Variants in KIRREL3 observed in about 807,000 individuals in gnomAD.
The protein encoded by KIRREL3 is kin of IRRE-like protein 3.
A neutral mutation model predicts 89.7 loss-of-function variants in KIRREL3; 36 were observed. The ratio of observed to expected loss-of-function variants is 0.40; its 90% CI spans 0.31 to 0.53. The LOEUF (loss-of-function observed/expected upper bound fraction) is 0.53, where lower values mean the gene tolerates loss of function less well. Ranked by LOEUF, KIRREL3 falls within the 20% of genes least tolerant of loss-of-function variation. The pLI, the probability that KIRREL3 is intolerant of heterozygous loss-of-function variation, is 0.49. For synonymous variants in KIRREL3, 445 were observed against 441.4 expected, an observed-to-expected ratio of 1.01 and a Z score of -0.10; for missense variants, 864 against 1,056.6, an observed-to-expected ratio of 0.82 and a Z score of 2.53.
rs1451893083 is a variant in KIRREL3 at position 126,994,120 on chromosome 11, T to C, written c.55+6335A>G. On this transcript the variant is annotated intron_variant, in intron 1 of 16. Transcript: ENST00000525144. This position sits in a 1 kb window ranked among gnomAD's most constrained non-coding sequence, Gnocchi z 5.2. ...CTATGAAGACAGGCAAAGAGTAGGGTGAGAGCATAGCTCCCATTTGAGAAA... is the reference window on the plus strand; with the variant it reads ...CTATGAAGACAGGCAAAGAGTAGGGCGAGAGCATAGCTCCCATTTGAGAAA... 6.6e-6 allele frequency among the ~76,000 whole-genome samples: 1 copy of C among 151,746 alleles called. No individual in the cohort carries two copies. Among genetic ancestry groups the C allele is most frequent in the Non-Finnish European group, 1.5e-5 (1 of 68,002 alleles).
chr11:126,560,057 A>G (rs1591738558), intron 2 of KIRREL3, among the ~76,000 whole-genome samples: 2 of 152,256 alleles, frequency 1.3e-5, no homozygotes, highest in Admixed American at 1.3e-4. Flanking sequence ...TTTTTATGGT[A>G]TTCAATGACT....
intron 1 of KIRREL3, among the ~76,000 whole-genome samples, chr11:126,852,570 C>T (rs1482766318): frequency 6.6e-6 from 1 of 152,144 alleles, no homozygotes; most frequent in African/African-American, 2.4e-5. Context: ...AGCATTGTGA[C>T]TCCAAAGCTT....
At chr11:126,451,253 G>A (rs1024398286) in intron 7 of KIRREL3, among the ~76,000 whole-genome samples, 4 of 141,522 alleles carry the variant, frequency 2.8e-5, no homozygotes, top group African/African-American at 1.1e-4. Flanking sequence ...GTGAGCATGT[G>A]TGCATTGCTT....
Position 126,998,055 on chromosome 11 carries a change from C to T in KIRREL3, c.55+2400G>A, listed in dbSNP as rs529511179. ...GGGATCACAGTGGAGCCATTTAGAGCCATGTGGGCTAGACCTCCCAGGACC... is the reference window on the plus strand; with the variant it reads ...GGGATCACAGTGGAGCCATTTAGAGTCATGTGGGCTAGACCTCCCAGGACC... On this transcript the variant is annotated intron_variant, in intron 1 of 16. Coordinates refer to ENST00000525144, the MANE Select transcript of KIRREL3 (RefSeq NM_032531.4). Among the ~76,000 whole-genome samples the T allele has an allele frequency of 6.6e-5, 10 of 152,206 alleles. No individual in the cohort carries two copies. In the South Asian group the frequency reaches 2.1e-3, roughly 32 times the overall value.
At chr11:126,536,401 G>A (rs1436621156) in intron 2 of KIRREL3, among the ~76,000 whole-genome samples, 12 of 152,090 alleles carry the variant, frequency 7.9e-5, no homozygotes, top group Admixed American at 7.2e-4. Context: ...ATCTTCTAGG[G>A]ATGCATTCTG....
chr11:126,623,083 A>G lies in KIRREL3; in HGVS notation c.56-60171T>C, dbSNP rs369732911. On this transcript the variant is annotated intron_variant, in intron 1 of 16. Transcript: ENST00000525144. This position sits in a 1 kb window ranked among gnomAD's most constrained non-coding sequence, Gnocchi z 4.1. ...ATTTACAAAGCGTTATCCACTAGTT[A>G]TCTCACTGATTTTCCCAAGAGACTT... Among the ~76,000 whole-genome samples, 154 of 152,304 alleles carry G rather than the reference A, an allele frequency of 1.0e-3. No homozygotes were observed. The highest frequency in any genetic ancestry group is 3.2e-3 in the African/African-American group (133 of 41,574).
chr11:126,673,326 A>T (rs1440555201), intron 1 of KIRREL3, among the ~76,000 whole-genome samples: 1 of 152,220 alleles, frequency 6.6e-6, no homozygotes, highest in Non-Finnish European at 1.5e-5. Flanking sequence ...TGGTCAGGAC[A>T]GGTGGCTTGC....
rs1946508561 is a variant in KIRREL3, at chr11:126,682,595, A to G, written c.56-119683T>C. Among the ~76,000 whole-genome samples the G allele has an allele frequency of 6.6e-6, 1 of 151,820 alleles. No individual in the cohort carries two copies. ...CCAGGGACAGGTTTCATGGATGGCA[A>G]TTTTTCCATGGACCTGGGTAGGGGG... On this transcript the variant is annotated intron_variant, in intron 1 of 16. Coordinates refer to ENST00000525144, the MANE Select transcript of KIRREL3 (RefSeq NM_032531.4). This position sits in a 1 kb window ranked among gnomAD's most constrained non-coding sequence, Gnocchi z 4.8.
chr11:126,959,341 G>T (rs1949015564), intron 1 of KIRREL3, among the ~76,000 whole-genome samples: 1 of 151,798 alleles, frequency 6.6e-6, no homozygotes, highest in South Asian at 2.1e-4. Flanking sequence ...ACACACATGT[G>T]CACGTGCATG....
upstream of KIRREL3, chr11:127,003,120 GAAAA>G (rs55639536): frequency 7.2e-6 from 1 of 139,834 alleles, no homozygotes; most frequent in South Asian, 2.3e-4. Flanking sequence ...CAGAAAGAAA[GAAAA>G]AAAAAAAAGC....
At chr11:126,660,624 C>A (rs1301528743) in intron 1 of KIRREL3, among the ~76,000 whole-genome samples, 3 of 65,872 alleles carry the variant, frequency 4.6e-5, no homozygotes, top group African/African-American at 2.7e-4. Flanking sequence ...AGGTTGAATG[C>A]CCACATTGGA....
chr11:126,648,611 A>G (rs1944786587), intron 1 of KIRREL3, among the ~76,000 whole-genome samples: 1 of 152,216 alleles, frequency 6.6e-6, no homozygotes, highest in Admixed American at 6.5e-5. Flanking sequence ...TGTCAGCCCC[A>G]TGAAGTCTTA....
At chr11:126,514,725 G>A (rs967875479) in intron 4 of KIRREL3, among the ~76,000 whole-genome samples, 2 of 152,150 alleles carry the variant, frequency 1.3e-5, no homozygotes, top group African/African-American at 2.4e-5. Context: ...ACTTGCTCAC[G>A]GTCACACCAG....
chr11:126,711,855 C>T (rs1592001504), intron 1 of KIRREL3, among the ~76,000 whole-genome samples: 1 of 152,204 alleles, frequency 6.6e-6, no homozygotes, highest in East Asian at 1.9e-4. Flanking sequence ...TCCACTGAGC[C>T]TGAAGCATGG....
At chr11:126,945,518 A>C (rs1948597823) in intron 1 of KIRREL3, among the ~76,000 whole-genome samples, 1 of 152,150 alleles carries the variant, frequency 6.6e-6, no homozygotes, top group African/African-American at 2.4e-5. Flanking sequence ...GCAATTTAGC[A>C]AATCTTTAGA....
In KIRREL3 at chr11:126,537,022, TC is replaced by T. The variant is rs1468569038; in HGVS notation, c.134-10336del. Among the ~76,000 whole-genome samples the T allele has an allele frequency of 1.3e-5, 2 of 152,138 alleles. No homozygotes were observed. Among genetic ancestry groups the T allele is most frequent in the Non-Finnish European group, 2.9e-5 (2 of 68,036 alleles). ...GGAGGTGGCTCAAGGGTGGGCTCAATCCCTGCCTCCCCTTTCTCCACTGGTT... is the reference window on the plus strand; with the variant it reads ...GGAGGTGGCTCAAGGGTGGGCTCAATCCTGCCTCCCCTTTCTCCACTGGTT... On this transcript the variant is annotated intron_variant, in intron 2 of 16. Coordinates refer to ENST00000525144, the MANE Select transcript of KIRREL3 (RefSeq NM_032531.4). This position sits in a 1 kb window ranked among gnomAD's most constrained non-coding sequence, Gnocchi z 4.3.
chr11:126,849,666 G>A (rs1225793604), intron 1 of KIRREL3, among the ~76,000 whole-genome samples: 1 of 152,170 alleles, frequency 6.6e-6, no homozygotes, highest in African/African-American at 2.4e-5. Context: ...ACAGACATTT[G>A]ACTAAAGGGC....
intron 1 of KIRREL3, among the ~76,000 whole-genome samples, chr11:126,801,274 G>A (rs192838595): frequency 1.3e-5 from 2 of 151,990 alleles, no homozygotes; most frequent in Non-Finnish European, 2.9e-5. Flanking sequence ...TGGGTCTTTG[G>A]GGACATCAGC....
Position 126,965,355 on chromosome 11 carries a change from A to G in KIRREL3, c.55+35100T>C, listed in dbSNP as rs1490418915. Among the ~76,000 whole-genome samples the G allele has an allele frequency of 6.6e-6, 1 of 152,332 alleles. No homozygotes were observed. The highest frequency in any genetic ancestry group is 1.5e-5 in the Non-Finnish European group (1 of 68,032). On this transcript the variant is annotated intron_variant, in intron 1 of 16. Transcript: ENST00000525144. The surrounding 1 kb of genome is among the most constrained non-coding windows in gnomAD (Gnocchi z 4.4). ...CCCATGATAAACTCTACCTTTGGAC[A>G]TCGGTACTCAACTCTTAAGAAGTGA... is the stretch of plus-strand genomic sequence containing the variant.
Sources: gnomAD v4.1 joint callset for allele counts (sites outside exome capture counted in the v4.1 genomes callset) on GRCh38, gnomAD v4.1.1 for gene constraint, Gnocchi (gnomAD v3.1) non-coding constraint, MANE v1.5 for transcripts, NCBI Gene and HGNC (gene_info 2026-07-23, HGNC 2026-07-21) for gene names.